Variants in PLXNA2 observed in about 807,000 individuals in gnomAD.
The protein encoded by PLXNA2 is plexin A2, also known as plexin-A2.
PLXNA2 carries 91 observed loss-of-function variants against 193.5 expected under a neutral mutation model. That is an observed-to-expected ratio of 0.47 (90% CI 0.40 to 0.56). The LOEUF is 0.56. Among genes scored for constraint, PLXNA2 ranks in the 20% least tolerant of loss-of-function variants. PLXNA2 has a pLI of 0.00. For missense variants in PLXNA2, 1,995 were observed against 2,503.2 expected, an observed-to-expected ratio of 0.80 and a Z score of 4.33; for synonymous variants, 997 against 1,027.3, an observed-to-expected ratio of 0.97 and a Z score of 0.56.
intron 3 of PLXNA2, among the ~76,000 whole-genome samples, chr1:208,208,707 G>C (rs1351708264): frequency 6.6e-6 from 1 of 152,212 alleles, no homozygotes; most frequent in Non-Finnish European, 1.5e-5. Flanking sequence ...TAGAGAGCCT[G>C]TGTGCCATTT....
intron 1 of PLXNA2, among the ~76,000 whole-genome samples, chr1:208,235,971 C>T (rs1671838950): frequency 2.0e-5 from 3 of 152,142 alleles, no homozygotes; most frequent in Non-Finnish European, 2.9e-5. Context: ...TTTAATGTCA[C>T]AGAGAGTGAA....
intron 12 of PLXNA2, 91 bp downstream of exon 12, chr1:208,079,169 G>A: frequency 9.0e-7 from 1 of 1,110,212 alleles, no homozygotes. Context: ...CCAATAATTT[G>A]TCCACAGAGT....
chr1:208,179,820 A>G (rs1432261658), intron 3 of PLXNA2, among the ~76,000 whole-genome samples: 2 of 152,196 alleles, frequency 1.3e-5, no homozygotes, highest in Admixed American at 1.3e-4. Context: ...CAGAATCTCA[A>G]GGAGAGAAAA....
chr1:208,092,953 T>C, intron 8 of PLXNA2, 53 bp from the exon 9 acceptor site: 3 of 1,242,706 alleles, frequency 2.4e-6, no homozygotes, highest in Non-Finnish European at 3.5e-6. Flanking sequence ...AGAGGGAAGG[T>C]GGCATGTGTC....
chr1:208,070,007 T>C (rs558547432), intron 12 of PLXNA2, among the ~76,000 whole-genome samples: 28 of 152,360 alleles, frequency 1.8e-4, no homozygotes, highest in Non-Finnish European at 4.0e-4. Context: ...AAGTAACTTC[T>C]TGAAGGTTCC....
rs566516195 is a variant in PLXNA2 at position 208,073,606 on chromosome 1, C to T, written c.2586+5654G>A. Among the ~76,000 whole-genome samples, 5 of 152,290 alleles carry T rather than the reference C, an allele frequency of 3.3e-5. No individual in the cohort carries two copies. The South Asian group carries it at 1.0e-3, about 32-fold the overall frequency. The stretch of plus-strand genomic sequence containing the variant: ...CCCCCCTCTGATCAGAATGCTCACT[C>T]TTATGGTTTGACTCTTGTCTCCTCA... On this transcript the variant is annotated intron_variant, in intron 12 of 31. Coordinates refer to ENST00000367033, the MANE Select transcript of PLXNA2 (RefSeq NM_025179.4).
chr1:208,046,806 GT>G (rs1246461984), intron 17 of PLXNA2, among the ~76,000 whole-genome samples: 1 of 61,698 alleles, frequency 1.6e-5, no homozygotes, highest in African/African-American at 4.8e-5. Flanking sequence ...TAGTGTGTGT[GT>G]GTGTGTGTGT....
intron 22 of PLXNA2, chr1:208,040,373 C>T (rs1431919570): frequency 2.0e-5 from 7 of 356,012 alleles, no homozygotes; most frequent in Non-Finnish European, 3.6e-5. Context: ...CACTATCCCA[C>T]AGGGCTATAA....
intron 12 of PLXNA2, among the ~76,000 whole-genome samples, chr1:208,068,863 G>T (rs954018906): frequency 4.6e-5 from 7 of 152,222 alleles, no homozygotes; most frequent in Non-Finnish European, 8.8e-5. Context: ...AGTACGGAAA[G>T]CTGTATTTGC....
intron 5 of PLXNA2, 68 bp from the exon 6 acceptor site, chr1:208,099,037 TG>T (rs1235830306): frequency 6.3e-6 from 10 of 1,576,768 alleles, no homozygotes; most frequent in Non-Finnish European, 8.6e-6. Context: ...CATTGTCCCC[TG>T]GGCAGGATGG....
At chr1:208,193,626 A>G (rs1670254724) in intron 3 of PLXNA2, among the ~76,000 whole-genome samples, 1 of 152,232 alleles carries the variant, frequency 6.6e-6, no homozygotes, top group Non-Finnish European at 1.5e-5. Flanking sequence ...CATTTAAGAG[A>G]CTGACAAGGA....
In PLXNA2 at chr1:208,023,288, C is replaced by G. The variant is rs1472244589; in HGVS notation, c.*3955G>C. 1 of 152,604 alleles carries G rather than the reference C, an allele frequency of 6.6e-6. No individual in the cohort carries two copies. The highest frequency in any genetic ancestry group is 1.5e-5 in the Non-Finnish European group (1 of 68,056). The allele number at this position is 152,604 out of a possible 1,614,324, so 9.5% of individuals were successfully genotyped here. ...TGGCTGGGAAAAAAAGACGGCCTCTCCTGGAGCAGCTGCTGGATCAGTATT... is the reference window on the plus strand; with the variant it reads ...TGGCTGGGAAAAAAAGACGGCCTCTGCTGGAGCAGCTGCTGGATCAGTATT... On this transcript the variant is annotated 3_prime_UTR_variant, in exon 32 of 32. Transcript: ENST00000367033.
intron 1 of PLXNA2, among the ~76,000 whole-genome samples, chr1:208,220,794 C>T (rs1671305259): frequency 6.6e-6 from 1 of 152,126 alleles, no homozygotes; most frequent in Non-Finnish European, 1.5e-5. Flanking sequence ...AATCCTGCCA[C>T]AGCTCTTGAC....
At position 208,179,739 on chromosome 1, in the gene PLXNA2, C is replaced by T. The variant is rs528693289; in HGVS notation, c.1371+30541G>A. Among the ~76,000 whole-genome samples, 6 of 152,250 alleles carry T rather than the reference C, an allele frequency of 3.9e-5. No homozygotes were observed. The East Asian group carries it at 1.2e-3, about 29-fold the overall frequency. Reference sequence around the variant, plus strand: ...GGAGGCTTCAGCAAATCCATAAATACCTTGAGCTGAAGCCTCCCCTTGGAG... The same window carrying T: ...GGAGGCTTCAGCAAATCCATAAATATCTTGAGCTGAAGCCTCCCCTTGGAG... On this transcript the variant is annotated intron_variant, in intron 3 of 31. Transcript: ENST00000367033.
rs1287720012 is a variant in PLXNA2 at position 208,044,254 on chromosome 1, T to C, written c.3874+254A>G. On this transcript the variant is annotated intron_variant, in intron 20 of 31. Coordinates refer to ENST00000367033, the MANE Select transcript of PLXNA2 (RefSeq NM_025179.4). This position sits in a 1 kb window ranked among gnomAD's most constrained non-coding sequence, Gnocchi z 4.9. Reference sequence around the variant, plus strand: ...TGAGAGGGAGAAAGTGTTTGCCAGATTGTGGGATGGGTCAGGGCAAAGAAG... The same window carrying C: ...TGAGAGGGAGAAAGTGTTTGCCAGACTGTGGGATGGGTCAGGGCAAAGAAG... 6.6e-6 allele frequency among the ~76,000 whole-genome samples: 1 copy of C among 152,106 alleles called. No individual in the cohort carries two copies. The highest frequency in any genetic ancestry group is 2.4e-5 in the African/African-American group (1 of 41,406).
At chr1:208,060,626 G>C in intron 13 of PLXNA2, 60 bp downstream of exon 13, 1 of 1,492,914 alleles carries the variant, frequency 6.7e-7, no homozygotes, top group Non-Finnish European at 9.2e-7. Context: ...GGAGAGGGGA[G>C]AGTCTCCAGT....
At chr1:208,060,565 C>T in intron 13 of PLXNA2, 121 bp downstream of exon 13, 1 of 1,028,860 alleles carries the variant, frequency 9.7e-7, no homozygotes, top group Non-Finnish European at 1.4e-6. Context: ...TGGGGCAGGT[C>T]CATGGGAGGA....
chr1:208,144,349 A>G (rs1479908154), intron 3 of PLXNA2, among the ~76,000 whole-genome samples: 1 of 152,162 alleles, frequency 6.6e-6, no homozygotes, highest in Non-Finnish European at 1.5e-5. Context: ...AAGAGCTTCC[A>G]TTCCTATTTC....
chr1:208,045,600 A>C (rs545041658), intron 18 of PLXNA2, among the ~76,000 whole-genome samples: 36 of 152,304 alleles, frequency 2.4e-4, no homozygotes, highest in Admixed American at 9.8e-4. Flanking sequence ...ACAGAAAAGG[A>C]AACAGTTACT....
Sources: gnomAD v4.1 joint callset for allele counts (sites outside exome capture counted in the v4.1 genomes callset) on GRCh38, gnomAD v4.1.1 for gene constraint, Gnocchi (gnomAD v3.1) non-coding constraint, MANE v1.5 for transcripts, NCBI Gene and HGNC (gene_info 2026-07-23, HGNC 2026-07-21) for gene names.